Variants in TBC1D22A observed in about 807,000 individuals in gnomAD.
TBC1D22A encodes the protein putative GTPase activator.
TBC1D22A carries 38 observed loss-of-function variants against 60.2 expected under a neutral mutation model. That is an observed-to-expected ratio of 0.63 (90% CI 0.49 to 0.83). The LOEUF (loss-of-function observed/expected upper bound fraction) is 0.83. Ranked by LOEUF, TBC1D22A falls within the 40% of genes least tolerant of loss-of-function variation. The pLI, the probability that TBC1D22A is intolerant of heterozygous loss-of-function variation, is 0.00. For missense variants in TBC1D22A, 628 were observed against 701.0 expected, an observed-to-expected ratio of 0.90 and a Z score of 1.18; for synonymous variants, 302 against 281.7, an observed-to-expected ratio of 1.07 and a Z score of -0.72.
chr22:47,102,360 C>A (rs910233718), intron 11 of TBC1D22A, among the ~76,000 whole-genome samples: 1 of 152,134 alleles, frequency 6.6e-6, no homozygotes. Flanking sequence ...CCTGCTTGAC[C>A]CACCCCAGGC....
chr22:47,056,387 G>C (rs1793594789), intron 11 of TBC1D22A, among the ~76,000 whole-genome samples: 1 of 152,142 alleles, frequency 6.6e-6, no homozygotes, highest in Admixed American at 6.5e-5. Context: ...TGAGCTGACG[G>C]TTGATTTGAC....
intron 4 of TBC1D22A, among the ~76,000 whole-genome samples, chr22:46,847,876 A>T (rs770305985): frequency 1.3e-5 from 2 of 152,112 alleles, no homozygotes; most frequent in African/African-American, 2.4e-5. Context: ...GTAGAGGACC[A>T]GTTCTGATGG....
chr22:46,919,608 G>A (rs567424307), intron 8 of TBC1D22A, among the ~76,000 whole-genome samples: 6 of 152,168 alleles, frequency 3.9e-5, no homozygotes, highest in Middle Eastern at 3.4e-3. Flanking sequence ...AGGACCTGCC[G>A]GACTGCTTTC....
intron 4 of TBC1D22A, among the ~76,000 whole-genome samples, chr22:46,853,224 C>T (rs2087379292): frequency 6.6e-6 from 1 of 152,154 alleles, no homozygotes; most frequent in Admixed American, 6.5e-5. Context: ...TCCTTTCATG[C>T]TCCATCAGCA....
chr22:47,060,864 A>C (rs547430895), intron 11 of TBC1D22A, among the ~76,000 whole-genome samples: 1 of 152,294 alleles, frequency 6.6e-6, no homozygotes, highest in Admixed American at 6.5e-5. Context: ...CATTAGCGCC[A>C]TGCCGCTCGA....
At chr22:47,171,081 C>T (rs976011064) in intron 12 of TBC1D22A, among the ~76,000 whole-genome samples, 3 of 152,188 alleles carry the variant, frequency 2.0e-5, no homozygotes, top group Non-Finnish European at 4.4e-5. Flanking sequence ...CTCAGCTCAT[C>T]CTGGCTGTGC....
chr22:47,107,976 A>G (rs2065697981), intron 11 of TBC1D22A, among the ~76,000 whole-genome samples: 1 of 152,236 alleles, frequency 6.6e-6, no homozygotes, highest in African/African-American at 2.4e-5. Flanking sequence ...TAGATAAGAC[A>G]CCAACAGCAT....
chr22:47,153,851 A>C (rs1469757994), intron 12 of TBC1D22A, among the ~76,000 whole-genome samples: 1 of 152,162 alleles, frequency 6.6e-6, no homozygotes. Context: ...CACAAGGGCA[A>C]AGGCAGCTTG....
Position 46,827,087 on chromosome 22 carries a change from T to C in TBC1D22A, c.637+29467T>C, listed in dbSNP as rs1049566142. ...TTCTTTGTGCCTGGAAAGCAAATTA[T>C]GTTAAAATTATCTTCACGACCTATT... On this transcript the variant is annotated intron_variant, in intron 4 of 12. Transcript: ENST00000337137. Among the ~76,000 whole-genome samples the C allele has an allele frequency of 2.0e-5, 3 of 152,296 alleles. 1 individual carries two copies. The highest frequency in any genetic ancestry group is 4.1e-4 in the South Asian group (2 of 4,822).
chr22:46,871,039 T>C (rs2067271765), intron 4 of TBC1D22A, among the ~76,000 whole-genome samples: 1 of 152,174 alleles, frequency 6.6e-6, no homozygotes, highest in South Asian at 2.1e-4. Context: ...ATATATGTCA[T>C]GCAAGCTCTA....
At chr22:47,060,013 G>C (rs775404217) in intron 11 of TBC1D22A, among the ~76,000 whole-genome samples, 1 of 152,164 alleles carries the variant, frequency 6.6e-6, no homozygotes, top group Non-Finnish European at 1.5e-5. Flanking sequence ...TGACATGGCC[G>C]TCCTCCTGTC....
chr22:46,793,762 G>A lies in TBC1D22A; in HGVS notation c.381G>A (p.Glu127=), dbSNP rs2084528145. Residue 127 remains glutamate (E), a synonymous_variant, in exon 3 of 13, where the codon GAG becomes GAA. Coordinates refer to ENST00000337137, the MANE Select transcript of TBC1D22A (RefSeq NM_014346.5). The stretch of plus-strand genomic sequence containing the variant: ...GGCTTCAGCAGAAGCCCAGGCCCGA[G>A]GCAGAGCCGCCCTCACCCCCCAGCG... The part of the protein sequence containing the change: ...GPGLQQKPRP[E]AEPPSPPSGD... 6.2e-7 allele frequency: 1 copy of A among 1,605,034 alleles called. No homozygotes were observed. Among genetic ancestry groups the A allele is most frequent in the Admixed American group, 1.7e-5 (1 of 58,554 alleles).
intron 9 of TBC1D22A, among the ~76,000 whole-genome samples, chr22:46,995,539 G>GAA (rs1463770029): frequency 2.0e-5 from 3 of 152,136 alleles, no homozygotes; most frequent in Admixed American, 6.5e-5. Flanking sequence ...GTGTGAGAGA[G>GAA]AAACGTAGAG....
intron 1 of TBC1D22A, among the ~76,000 whole-genome samples, chr22:46,768,469 A>G (rs1419485336): frequency 1.4e-5 from 2 of 137,946 alleles, no homozygotes; most frequent in East Asian, 2.1e-4. Context: ...TGGGCAACAG[A>G]GCGAGACTCT....
At chr22:47,040,016 C>A (rs1416462794) in intron 11 of TBC1D22A, among the ~76,000 whole-genome samples, 3 of 141,866 alleles carry the variant, frequency 2.1e-5, no homozygotes, top group Non-Finnish European at 4.5e-5. Flanking sequence ...GCGATCTCGG[C>A]CCACTGCAAG....
At chr22:46,763,405 T>G (rs1419157786) in intron 1 of TBC1D22A, 5 of 119,198 alleles carry the variant, frequency 4.2e-5, no homozygotes, top group Admixed American at 8.4e-5. Context: ...TTTTTTTTTT[T>G]TTTTTTTTTT....
chr22:46,880,817 A>G (rs1569167382), intron 5 of TBC1D22A, among the ~76,000 whole-genome samples: 1 of 152,114 alleles, frequency 6.6e-6, no homozygotes, highest in Non-Finnish European at 1.5e-5. Flanking sequence ...CACAAGGGAT[A>G]CGGATGAACG....
intron 8 of TBC1D22A, among the ~76,000 whole-genome samples, chr22:46,960,330 G>A (rs1206245587): frequency 6.6e-6 from 1 of 151,752 alleles, no homozygotes; most frequent in Non-Finnish European, 1.5e-5. Flanking sequence ...GGCACGATAT[G>A]GGCTCACTGC....
intron 4 of TBC1D22A, among the ~76,000 whole-genome samples, chr22:46,801,543 A>G (rs2146960673): frequency 6.6e-6 from 1 of 152,380 alleles, no homozygotes; most frequent in East Asian, 1.9e-4. Flanking sequence ...TCACACAAAG[A>G]CTGCCTGCTT....
Sources: allele counts gnomAD v4.1 joint callset (sites outside exome capture counted in the v4.1 genomes callset), GRCh38; gene constraint gnomAD v4.1.1; transcripts MANE v1.5; gene names NCBI Gene and HGNC (gene_info 2026-07-23, HGNC 2026-07-21).